Variants in NUP160 observed in about 807,000 individuals in gnomAD.
NUP160 encodes the protein nucleoporin 160.
Under a neutral mutation model 196.9 loss-of-function variants are expected in NUP160, and 94 were observed. The observed-to-expected ratio is 0.48, with a 90% CI of 0.40 to 0.57. NUP160 has a LOEUF of 0.57. Among genes scored for constraint, NUP160 ranks in the 20% least tolerant of loss-of-function variants. The pLI is 0.00. For synonymous variants in NUP160, 605 were observed against 619.7 expected, an observed-to-expected ratio of 0.98 and a Z score of 0.35; for missense variants, 1,638 against 1,748.3, an observed-to-expected ratio of 0.94 and a Z score of 1.13.
chr11:47,787,973 C>T (rs757394382), intron 31 of NUP160, among the ~76,000 whole-genome samples: 10 of 152,088 alleles, frequency 6.6e-5, no homozygotes, highest in Non-Finnish European at 1.3e-4. Flanking sequence ...CCGCCCGCCT[C>T]GGCCTCCCAA....
intron 7 of NUP160, 71 bp downstream of exon 7, chr11:47,835,580 C>T: frequency 2.3e-6 from 3 of 1,276,702 alleles, no homozygotes; most frequent in Non-Finnish European, 2.1e-6. Flanking sequence ...AACAGACTCA[C>T]TGAGTCTACA....
intron 20 of NUP160, among the ~76,000 whole-genome samples, chr11:47,805,476 A>C (rs2097676983): frequency 2.3e-5 from 3 of 133,086 alleles, no homozygotes; most frequent in Admixed American, 8.6e-5. Context: ...ACGGAGTCTC[A>C]CTCTGTTGCC....
At chr11:47,844,631 C>T (rs951314057) in intron 2 of NUP160, among the ~76,000 whole-genome samples, 6 of 152,182 alleles carry the variant, frequency 3.9e-5, no homozygotes, top group Non-Finnish European at 7.3e-5. Context: ...AACCACCCTA[C>T]ATAAAACATT....
At chr11:47,792,369 T>C (rs1015322693) in intron 28 of NUP160, 2 of 221,172 alleles carry the variant, frequency 9.0e-6, no homozygotes, top group African/African-American at 4.6e-5. Context: ...ACAAACACAA[T>C]AGAAATAAAA....
rs377451238 is a variant in NUP160 at position 47,808,399 on chromosome 11, G to A, written c.2372C>T (p.Thr791Ile). ...TAATTGGGATAATGAAACTCACAGT[G>A]TGTCAAGTGGAACATCAGTTGCCAA... Residue 791 changes from threonine (T) to isoleucine (I), a missense_variant, in exon 18 of 36, where the codon ACA becomes ATA. Thr to Ile is a moderately conservative substitution (Grantham distance 89, BLOSUM62 -1). Around this residue, in one of 3 missense-constraint regions of NUP160, gnomAD observed 1,345 missense variants for 1,470.2 expected, o/e 0.91. Transcript: ENST00000378460. 10 of 1,610,826 alleles carry A rather than the reference G, an allele frequency of 6.2e-6. No homozygotes were observed. Among genetic ancestry groups the A allele is most frequent in the East Asian group, 2.2e-5 (1 of 44,866 alleles).
rs375099064 is a variant in NUP160 at position 47,840,357 on chromosome 11, T to C, written c.525+21A>G. On this transcript the variant is annotated intron_variant, in intron 3 of 35. Coordinates refer to ENST00000378460, the Ensembl canonical transcript of NUP160. ...CCAGAGTAATTTGGGAAATAAAAGATATTGCACTTAGCCAACTTACACTCC... is the reference window on the plus strand; with the variant it reads ...CCAGAGTAATTTGGGAAATAAAAGACATTGCACTTAGCCAACTTACACTCC... 2.9e-5 allele frequency: 46 copies of C among 1,584,432 alleles called. 1 individual carries two copies. The South Asian group carries it at 4.3e-4, about 15-fold the overall frequency.
At chr11:47,781,403 T>TAGGCACG (rs1211856681) in intron 34 of NUP160, among the ~76,000 whole-genome samples, 1 of 151,882 alleles carries the variant, frequency 6.6e-6, no homozygotes, top group African/African-American at 2.4e-5. Flanking sequence ...GCTGGGACTA[T>TAGGCACG]AGGCACGCAC....
intron 33 of NUP160, among the ~76,000 whole-genome samples, chr11:47,784,479 G>A (rs2097663392): frequency 6.6e-6 from 1 of 152,130 alleles, no homozygotes; most frequent in Non-Finnish European, 1.5e-5. Flanking sequence ...TAAATCCTGT[G>A]TCATGCATAT....
At chr11:47,834,565 T>C (rs1479117910) in intron 7 of NUP160, among the ~76,000 whole-genome samples, 2 of 152,132 alleles carry the variant, frequency 1.3e-5, no homozygotes. Flanking sequence ...CAATCCAATC[T>C]AAAAACCTAG....
chr11:47,780,235 A>T, intron 35 of NUP160, 108 bp downstream of exon 35: 2 of 770,632 alleles, frequency 2.6e-6, no homozygotes, highest in Non-Finnish European at 4.5e-6. Flanking sequence ...GGCCAAAAAT[A>T]GGCTTTTGTC....
chr11:47,819,616 A>G (rs1379631375), intron 9 of NUP160, among the ~76,000 whole-genome samples, 158 bp from the exon 10 acceptor site: 1 of 152,192 alleles, frequency 6.6e-6, no homozygotes, highest in African/African-American at 2.4e-5. Context: ...ATAAGAAAGA[A>G]AGAAACATTT....
exon 32 of NUP160, chr11:47,786,529 C>G: frequency 6.2e-7 from 1 of 1,613,762 alleles, no homozygotes; most frequent in Non-Finnish European, 8.5e-7. Flanking sequence ...TGTGCTGCCT[C>G]TCCTCCAAAT....
Position 47,788,281 on chromosome 11 carries a change from A to AC in NUP160, c.3646dup (p.Val1216GlyfsTer11). The AC allele has an allele frequency of 6.2e-7, 1 of 1,614,108 alleles. No homozygotes were observed. Among genetic ancestry groups the AC allele is most frequent in the Non-Finnish European group, 8.5e-7 (1 of 1,179,962 alleles). On this transcript the variant is annotated frameshift_variant, in exon 31 of 36. Coordinates refer to ENST00000378460, the Ensembl canonical transcript of NUP160. LOFTEE classifies it high-confidence loss of function. ...GAGGCCCGCCTGAACCAAGAGAGTG[A>AC]CCATTTCCTCTGCTGATGAACTTCC...
chr11:47,780,129 T>C (rs897121392), intron 35 of NUP160, among the ~76,000 whole-genome samples: 1 of 152,200 alleles, frequency 6.6e-6, no homozygotes, highest in African/African-American at 2.4e-5. Context: ...TTTGTCTCTG[T>C]ATAATTAACA....
intron 7 of NUP160, among the ~76,000 whole-genome samples, chr11:47,833,988 C>G (rs773562313): frequency 3.3e-5 from 5 of 152,194 alleles, no homozygotes; most frequent in Admixed American, 6.5e-5. Context: ...TACATTTTAG[C>G]TGTCAGCACA....
rs1433551328 is a variant in NUP160, at chr11:47,808,486, A to G, written c.2285T>C (p.Leu762Pro). The G allele has an allele frequency of 2.0e-5, 33 of 1,613,996 alleles. No homozygotes were observed. The highest frequency in any genetic ancestry group is 2.7e-5 in the Non-Finnish European group (32 of 1,179,898). ...GAGTAGGGGAGCTGTTCGATGTAGT[A>G]GGTCTTGCTGAGCTTGAAAGAGCTG... is the stretch of plus-strand genomic sequence containing the variant. The change falls in exon 18 of 36, where the codon CTA becomes CCA. Residue 762 changes from leucine (L) to proline (P), a missense_variant. Leu to Pro is a moderately conservative substitution (Grantham distance 98, BLOSUM62 -3). Transcript: ENST00000378460.
chr11:47,797,298 T>C (rs2097671429), intron 27 of NUP160, among the ~76,000 whole-genome samples: 1 of 152,174 alleles, frequency 6.6e-6, no homozygotes, highest in Non-Finnish European at 1.5e-5. Context: ...TGGCGTGATC[T>C]TGGCTCACTG....
chr11:47,839,648 G>A (rs1047234590), intron 4 of NUP160, 195 bp downstream of exon 4: 38 of 582,354 alleles, frequency 6.5e-5, no homozygotes, highest in African/African-American at 3.0e-4. Context: ...TTGTTTTTCC[G>A]TGCTCCAATA....
intron 2 of NUP160, among the ~76,000 whole-genome samples, chr11:47,844,883 T>C (rs1266649529): frequency 1.3e-5 from 2 of 152,076 alleles, no homozygotes; most frequent in Non-Finnish European, 2.9e-5. Context: ...TAAAACAGGT[T>C]GCAATAAAGG....
Sources: gnomAD v4.1 joint callset for allele counts (sites outside exome capture counted in the v4.1 genomes callset) on GRCh38, gnomAD v4.1.1 for gene constraint, gnomAD v4.1.1 regional missense constraint, MANE v1.5 for transcripts, NCBI Gene and HGNC (gene_info 2026-07-23, HGNC 2026-07-21) for gene names.